The following CA4 variants were observed in gnomAD, a reference collection of about 807,000 sequenced individuals.
CA4 encodes the protein CA-IV.
Under a neutral mutation model 34.5 loss-of-function variants are expected in CA4, and 24 were observed. The observed-to-expected ratio is 0.70, with a 90% CI of 0.50 to 0.98. The LOEUF is 0.98. CA4 is among the 50% of genes least tolerant of loss of function. The pLI, the probability that CA4 is intolerant of heterozygous loss-of-function variation, is 0.00. For synonymous variants in CA4, 178 were observed against 170.6 expected, an observed-to-expected ratio of 1.04 and a Z score of -0.34; for missense variants, 394 against 396.7, an observed-to-expected ratio of 0.99 and a Z score of 0.06.
At chr17:60,153,821 C>T in intron 1 of CA4, among the ~76,000 whole-genome samples, 1 of 152,188 alleles carries the variant, frequency 6.6e-6, no homozygotes, top group East Asian at 1.9e-4. Flanking sequence ...CTCCCAGGGA[C>T]AGCAGAGCCC....
chr17:60,157,020 G>A (rs1567730400), intron 3 of CA4: 3 of 529,694 alleles, frequency 5.7e-6, no homozygotes, highest in East Asian at 3.4e-5. Context: ...CTGTGTGGAG[G>A]AAGGACAGAC....
At chr17:60,154,444 G>T (rs1414325205) in intron 1 of CA4, among the ~76,000 whole-genome samples, 1 of 152,208 alleles carries the variant, frequency 6.6e-6, no homozygotes, top group African/African-American at 2.4e-5. Flanking sequence ...GGCTCAGCCA[G>T]AATTCCAAGC....
intron 3 of CA4, chr17:60,157,019 G>A: frequency 1.9e-6 from 1 of 529,866 alleles, no homozygotes; most frequent in South Asian, 2.0e-5. Flanking sequence ...TCTGTGTGGA[G>A]GAAGGACAGA....
At chr17:60,158,197 G>T in intron 6 of CA4, 70 bp downstream of exon 6, 1 of 1,605,292 alleles carries the variant, frequency 6.2e-7, no homozygotes, top group African/African-American at 1.3e-5. Context: ...AGGGGTGGGT[G>T]TGCGGGGAGC....
chr17:60,162,904 T>C (rs1002644507), downstream of CA4, among the ~76,000 whole-genome samples: 2 of 152,150 alleles, frequency 1.3e-5, no homozygotes, highest in African/African-American at 4.8e-5. Context: ...GCCATCTGTG[T>C]CCAGGGGCAG....
At chr17:60,163,599 T>TC (rs1211381800), downstream of CA4, among the ~76,000 whole-genome samples, 3 of 152,068 alleles carry the variant, frequency 2.0e-5, no homozygotes. Context: ...AGGCATTCTT[T>TC]CCCCCAGGGA....
downstream of CA4, among the ~76,000 whole-genome samples, chr17:60,173,339 G>A (rs2083929048): frequency 2.6e-5 from 4 of 152,160 alleles, no homozygotes; most frequent in South Asian, 8.3e-4. Flanking sequence ...AGTCTACTAT[G>A]TTCCTCATGC....
downstream of CA4, among the ~76,000 whole-genome samples, chr17:60,162,370 A>ACC (rs956674282): frequency 1.3e-5 from 2 of 151,376 alleles, no homozygotes; most frequent in African/African-American, 4.9e-5. Context: ...CCCCCAGCAG[A>ACC]CCCCCACCCT....
chr17:60,157,760 A>T lies in CA4; in HGVS notation c.485A>T (p.Glu162Val). ...NVKEAQDPED[E>V]IAVLAFLVEA... The stretch of plus-strand genomic sequence containing the variant: ...AAAGAGGCCCAGGACCCTGAAGACG[A>T]AATTGCGGTGCTGGCCTTTCTGGTG... Residue 162 changes from glutamate to valine, a missense_variant, in exon 5 of 8, where the codon GAA becomes GTA. By Grantham distance (121) the Glu-to-Val change is moderately radical. Transcript: ENST00000300900. 1 of 1,614,026 alleles carries T rather than the reference A, an allele frequency of 6.2e-7. No individual in the cohort carries two copies. The highest frequency in any genetic ancestry group is 8.5e-7 in the Non-Finnish European group (1 of 1,179,868).
Position 60,157,763 on chromosome 17 carries a change from T to C in CA4, c.488T>C (p.Ile163Thr). The C allele has an allele frequency of 1.2e-6, 2 of 1,613,924 alleles. No individual in the cohort carries two copies. The highest frequency in any genetic ancestry group is 1.3e-5 in the African/African-American group (1 of 75,052). The change falls in exon 5 of 8, where the codon ATT becomes ACT. Residue 163 changes from isoleucine to threonine, a missense_variant. Physicochemically the swap from Ile to Thr is moderately conservative, Grantham distance 89. Coordinates refer to ENST00000300900, the MANE Select transcript of CA4 (RefSeq NM_000717.5). ...GAGGCCCAGGACCCTGAAGACGAAA[T>C]TGCGGTGCTGGCCTTTCTGGTGGAG... ...VKEAQDPEDE[I>T]AVLAFLVEAG... is the part of the protein sequence containing the mutation.
chr17:60,173,130 C>T (rs530107867), downstream of CA4, among the ~76,000 whole-genome samples: 25 of 151,390 alleles, frequency 1.7e-4, no homozygotes, highest in South Asian at 4.6e-3. Flanking sequence ...GCAACAAGAG[C>T]GAAACTCCGT....
Position 60,149,978 on chromosome 17 carries a change from C to T in CA4, c.-57C>T. 1.4e-6 allele frequency: 2 copies of T among 1,422,174 alleles called. No homozygotes were observed. Among genetic ancestry groups the T allele is most frequent in the Non-Finnish European group, 2.0e-6 (2 of 1,024,608 alleles). The allele number at this position is 1,422,174 out of a possible 1,614,324, so 88.1% of individuals were successfully genotyped here. A position where few individuals can be genotyped will look rare whatever the true frequency, so the allele number is the denominator to read the frequency against. On this transcript the variant is annotated 5_prime_UTR_variant, in exon 1 of 8. Transcript: ENST00000300900. Reference sequence around the variant, plus strand: ...CAGGCCGGCAGGATCGCTGCACCCGCGGCGGCCTCCTCGGTGCGCGACCCC... The same window carrying T: ...CAGGCCGGCAGGATCGCTGCACCCGTGGCGGCCTCCTCGGTGCGCGACCCC...
At chr17:60,163,235 C>T (rs1291619692), downstream of CA4, among the ~76,000 whole-genome samples, 2 of 152,032 alleles carry the variant, frequency 1.3e-5, no homozygotes, top group African/African-American at 4.8e-5. Flanking sequence ...GTGCAGGCTG[C>T]CGTGTCTTAA....
At chr17:60,173,184 A>G (rs976343472), downstream of CA4, among the ~76,000 whole-genome samples, 1 of 152,220 alleles carries the variant, frequency 6.6e-6, no homozygotes, top group Non-Finnish European at 1.5e-5. Flanking sequence ...TAAAATAAAT[A>G]AATACATAAA....
chr17:60,167,039 T>TA (rs2083862972), intron 5 of CA4, among the ~76,000 whole-genome samples: 1 of 152,222 alleles, frequency 6.6e-6, no homozygotes, highest in Non-Finnish European at 1.5e-5. Context: ...TCCGCACACT[T>TA]ACAATTGCTA....
chr17:60,153,221 C>T (rs933413499), intron 1 of CA4, among the ~76,000 whole-genome samples: 3 of 151,998 alleles, frequency 2.0e-5, no homozygotes, highest in African/African-American at 7.3e-5. Context: ...GCCTGTAATC[C>T]CAGTTACTCA....
In CA4 at chr17:60,157,615, C is replaced by T. The variant is rs201172890; in HGVS notation, c.414+43C>T. On this transcript the variant is annotated intron_variant, in intron 4 of 7. Transcript: ENST00000300900. ...ACTGGGACCTTGTCTGGGCTCTGGG[C>T]GCGCACCTGCCTTGGGCAAGGAGGG... 446 of 1,614,054 alleles carry T rather than the reference C, an allele frequency of 2.8e-4. No homozygotes were observed. Among genetic ancestry groups the T allele is most frequent in the Non-Finnish European group, 2.1e-4 (248 of 1,179,928 alleles).
chr17:60,158,992 G>A (rs1395707841), intron 7 of CA4: 9 of 578,468 alleles, frequency 1.6e-5, no homozygotes, highest in Non-Finnish European at 2.5e-5. Flanking sequence ...CAGGCATTGC[G>A]GGCCCCCTGG....
intron 5 of CA4, among the ~76,000 whole-genome samples, chr17:60,169,261 A>AG (rs2083890484): frequency 6.7e-6 from 1 of 149,532 alleles, no homozygotes; most frequent in Non-Finnish European, 1.5e-5. Flanking sequence ...AAAAAAAAAA[A>AG]AAGCAGCAGC....
Sources: gnomAD v4.1 joint callset for allele counts (sites outside exome capture counted in the v4.1 genomes callset) on GRCh38, gnomAD v4.1.1 for gene constraint, MANE v1.5 for transcripts, NCBI Gene and HGNC (gene_info 2026-07-23, HGNC 2026-07-21) for gene names.